The following AGAP1 variants were observed in gnomAD, a reference collection of about 807,000 sequenced individuals.
The protein encoded by AGAP1 is ArfGAP with GTPase domain, ankyrin repeat and PH domain 1.
A neutral mutation model predicts 105.3 loss-of-function variants in AGAP1; 29 were observed. The ratio of observed to expected loss-of-function variants is 0.28; its 90% CI spans 0.21 to 0.38. AGAP1 has a LOEUF of 0.38. AGAP1 is among the 10% of genes least tolerant of loss of function. The pLI, the probability that AGAP1 is intolerant of heterozygous loss-of-function variation, is 1.00. For missense variants in AGAP1, 998 were observed against 1,165.1 expected (o/e 0.86, Z 2.09); for synonymous variants, 509 against 485.9 (o/e 1.05, Z -0.63).
At chr2:235,554,804 G>A (rs1308125067) in intron 1 of AGAP1, among the ~76,000 whole-genome samples, 1 of 152,110 alleles carries the variant, frequency 6.6e-6, no homozygotes, top group East Asian at 1.9e-4. Flanking sequence ...CGTGTAGCTG[G>A]GATTACAGGC....
intron 1 of AGAP1, among the ~76,000 whole-genome samples, chr2:235,539,977 A>G (rs565174165): frequency 3.3e-5 from 5 of 152,234 alleles, no homozygotes; most frequent in Middle Eastern, 3.4e-3. Context: ...TCAGGCCCAC[A>G]GGACTCTGGA....
chr2:235,827,146 C>T (rs1959116470), intron 9 of AGAP1, among the ~76,000 whole-genome samples: 1 of 152,210 alleles, frequency 6.6e-6, no homozygotes, highest in Non-Finnish European at 1.5e-5. Flanking sequence ...ACAGCTGCAA[C>T]GTCTTATTTT....
intron 9 of AGAP1, among the ~76,000 whole-genome samples, chr2:235,838,257 T>G (rs1960399295): frequency 6.6e-6 from 1 of 152,076 alleles, no homozygotes. Context: ...TTTAACACAT[T>G]TAATTGACAA....
chr2:236,075,969 C>T (rs1182603329), intron 16 of AGAP1, among the ~76,000 whole-genome samples: 2 of 152,204 alleles, frequency 1.3e-5, no homozygotes, highest in Non-Finnish European at 2.9e-5. Context: ...GAGGCCGGGG[C>T]AGCGTGGGTC....
In AGAP1 at chr2:236,005,597, A is replaced by G. The variant is rs2056295930; in HGVS notation, c.1646-30964A>G. Among the ~76,000 whole-genome samples, 1 of 152,024 alleles carries G rather than the reference A, an allele frequency of 6.6e-6. No individual in the cohort carries two copies. Among genetic ancestry groups the G allele is most frequent in the Admixed American group, 6.6e-5 (1 of 15,264 alleles). On this transcript the variant is annotated intron_variant, in intron 13 of 17. Coordinates refer to ENST00000304032, the MANE Select transcript of AGAP1 (RefSeq NM_001037131.3). The surrounding 1 kb of genome is among the most constrained non-coding windows in gnomAD (Gnocchi z 4.1). Reference sequence around the variant, plus strand: ...TGTTCCAGGATCCAAATCCTATTCCATTGTCATGCCTCCTTAGCCTTCTCT... The same window carrying G: ...TGTTCCAGGATCCAAATCCTATTCCGTTGTCATGCCTCCTTAGCCTTCTCT...
At chr2:235,544,747 T>A (rs1943567876) in intron 1 of AGAP1, among the ~76,000 whole-genome samples, 1 of 152,162 alleles carries the variant, frequency 6.6e-6, no homozygotes. Flanking sequence ...TCTCCCACAC[T>A]GCAACTGTCA....
chr2:236,081,669 T>G (rs772263364), intron 16 of AGAP1, among the ~76,000 whole-genome samples: 57 of 60,994 alleles, frequency 9.3e-4, no homozygotes, highest in African/African-American at 3.4e-3. Flanking sequence ...GTTCTGTGGG[T>G]TTTTTTTTTT....
intron 9 of AGAP1, among the ~76,000 whole-genome samples, chr2:235,861,817 C>G (rs2048937972): frequency 6.6e-6 from 1 of 152,196 alleles, no homozygotes; most frequent in African/African-American, 2.4e-5. Flanking sequence ...TATCTTACCT[C>G]CATCTGGTCA....
At chr2:235,686,659 ATATATATTTTT>A (rs1949455535) in intron 1 of AGAP1, among the ~76,000 whole-genome samples, 3 of 42,272 alleles carry the variant, frequency 7.1e-5, no homozygotes, top group African/African-American at 4.4e-4. Flanking sequence ...ATATATATAT[ATATATATTTTT>A]TTTTTTTTTT....
intron 9 of AGAP1, among the ~76,000 whole-genome samples, chr2:235,822,075 C>T (rs924747087): frequency 2.0e-5 from 3 of 152,204 alleles, no homozygotes; most frequent in Non-Finnish European, 4.4e-5. Context: ...CAAGGCGAGA[C>T]CTATTGGATT....
At chr2:235,646,534 G>A (rs751561285) in intron 1 of AGAP1, among the ~76,000 whole-genome samples, 4 of 152,128 alleles carry the variant, frequency 2.6e-5, no homozygotes, top group African/African-American at 7.2e-5. Flanking sequence ...ATGTAGGAAC[G>A]GGGGGCATTT....
chr2:235,968,763 G>A, intron 13 of AGAP1, 140 bp downstream of exon 13: 1 of 880,846 alleles, frequency 1.1e-6, no homozygotes, highest in Non-Finnish European at 1.7e-6. Context: ...CTGTTTGCAA[G>A]GTGGCACGAG....
At chr2:235,818,643 A>T (rs1049673061) in intron 9 of AGAP1, among the ~76,000 whole-genome samples, 1 of 152,010 alleles carries the variant, frequency 6.6e-6, no homozygotes, top group African/African-American at 2.4e-5. Flanking sequence ...GGGTTTCACC[A>T]TGTTAGTCAG....
chr2:236,026,448 G>C (rs1288237419), intron 13 of AGAP1, among the ~76,000 whole-genome samples: 3 of 152,202 alleles, frequency 2.0e-5, no homozygotes, highest in Admixed American at 2.0e-4. Flanking sequence ...AGTATGACAC[G>C]CCGGGCACGG....
chr2:235,558,679 C>T lies in AGAP1; in HGVS notation c.163+63830C>T, dbSNP rs916794704. Among the ~76,000 whole-genome samples the T allele has an allele frequency of 5.3e-5, 8 of 152,286 alleles. No individual in the cohort carries two copies. In the East Asian group the frequency reaches 1.2e-3, roughly 22 times the overall value. ...AATGTTATGGGATGGGGACTGCATTCCTCACAAAGGACTCTGCCTCGAAAT... is the reference window on the plus strand; with the variant it reads ...AATGTTATGGGATGGGGACTGCATTTCTCACAAAGGACTCTGCCTCGAAAT... On this transcript the variant is annotated intron_variant, in intron 1 of 17. Transcript: ENST00000304032.
rs1260509338 is a variant in AGAP1, at chr2:235,877,495, C to T, written c.1051-5850C>T. On this transcript the variant is annotated intron_variant, in intron 9 of 17. Transcript: ENST00000304032. The surrounding 1 kb of genome is among the most constrained non-coding windows in gnomAD (Gnocchi z 4.3). Reference sequence around the variant, plus strand: ...CTTTCCTGCTTTCATACTGAGAAATCGTTTCGTGTACAGCATGCGGTGCCT... The same window carrying T: ...CTTTCCTGCTTTCATACTGAGAAATTGTTTCGTGTACAGCATGCGGTGCCT... Among the ~76,000 whole-genome samples the T allele has an allele frequency of 1.3e-5, 2 of 151,976 alleles. No homozygotes were observed. Among genetic ancestry groups the T allele is most frequent in the Non-Finnish European group, 1.5e-5 (1 of 68,010 alleles).
At position 235,664,412 on chromosome 2, in the gene AGAP1, T is replaced by A. The variant is rs1948062241; in HGVS notation, c.164-44767T>A. On this transcript the variant is annotated intron_variant, in intron 1 of 17. Transcript: ENST00000304032. This position sits in a 1 kb window ranked among gnomAD's most constrained non-coding sequence, Gnocchi z 5.7. Reference sequence around the variant, plus strand: ...GTATTTTTATAAATATAAAAAAGATTTCACCATGTTGGCCAGGCTGGTCTC... The same window carrying A: ...GTATTTTTATAAATATAAAAAAGATATCACCATGTTGGCCAGGCTGGTCTC... 6.6e-6 allele frequency among the ~76,000 whole-genome samples: 1 copy of A among 152,056 alleles called. No homozygotes were observed. Among genetic ancestry groups the A allele is most frequent in the Non-Finnish European group, 1.5e-5 (1 of 67,990 alleles).
At chr2:236,102,148 T>G (rs1370958304) in intron 16 of AGAP1, among the ~76,000 whole-genome samples, 2 of 152,144 alleles carry the variant, frequency 1.3e-5, no homozygotes, top group Admixed American at 6.5e-5. Flanking sequence ...CCGGGCGCGG[T>G]GGCTCACGCC....
chr2:235,521,329 A>G (rs897503635), intron 1 of AGAP1, among the ~76,000 whole-genome samples: 1 of 152,228 alleles, frequency 6.6e-6, no homozygotes, highest in Non-Finnish European at 1.5e-5. Context: ...TAGTTATATA[A>G]CTAGTTAACA....
Sources: gnomAD v4.1 joint callset for allele counts (sites outside exome capture counted in the v4.1 genomes callset) on GRCh38, gnomAD v4.1.1 for gene constraint, Gnocchi (gnomAD v3.1) non-coding constraint, MANE v1.5 for transcripts, NCBI Gene and HGNC (gene_info 2026-07-23, HGNC 2026-07-21) for gene names.